Variants in DNAJB1 observed in about 807,000 individuals in gnomAD.
The protein encoded by DNAJB1 is dnaJ homolog subfamily B member 1.
In DNAJB1, 14 loss-of-function variants were observed where a neutral mutation model predicts 24.0. The observed-to-expected ratio is 0.58, with a 90% CI of 0.39 to 0.91. The LOEUF (loss-of-function observed/expected upper bound fraction) is 0.91, where lower values mean the gene tolerates loss of function less well. Ranked by LOEUF, DNAJB1 falls within the 40% of genes least tolerant of loss-of-function variation. The pLI, the probability that DNAJB1 is intolerant of heterozygous loss-of-function variation, is 0.00. For missense variants in DNAJB1, 517 were observed against 458.1 expected, an observed-to-expected ratio of 1.13 and a Z score of -1.17; for synonymous variants, 262 against 174.4, an observed-to-expected ratio of 1.50 and a Z score of -3.96.
At chr19:14,560,059 C>G (rs1469687155) in exon 1 of DNAJB1, among the ~76,000 whole-genome samples, 1 of 152,196 alleles carries the variant, frequency 6.6e-6, no homozygotes, top group Non-Finnish European at 1.5e-5. Flanking sequence ...GTCTCCTCTC[C>G]TTGGGCCTCA....
chr19:14,518,057 G>A (rs1462657001), intron 1 of DNAJB1, 82 bp downstream of exon 1: 7 of 1,331,078 alleles, frequency 5.3e-6, no homozygotes, highest in East Asian at 6.1e-5. Context: ...TCCTTCCCGG[G>A]GGGCCGCCGA....
intron 1 of DNAJB1, among the ~76,000 whole-genome samples, chr19:14,547,329 C>T (rs904831053): frequency 6.6e-6 from 1 of 151,386 alleles, no homozygotes; most frequent in Non-Finnish European, 1.5e-5. Flanking sequence ...CAGGCGTGAG[C>T]CACCGTACCT....
intron 1 of DNAJB1, among the ~76,000 whole-genome samples, chr19:14,555,438 CTTT>C (rs747503834): frequency 3.2e-5 from 3 of 92,902 alleles, no homozygotes; most frequent in African/African-American, 4.6e-5. Flanking sequence ...TTTATTTATT[CTTT>C]TTTTTTTTTT....
intron 1 of DNAJB1, chr19:14,517,385 G>GT: frequency 1.2e-5 from 3 of 245,080 alleles, no homozygotes; most frequent in Non-Finnish European, 1.6e-5. Context: ...TCGGCTTTCG[G>GT]TAAGTGTTTA....
At chr19:14,558,311 A>G (rs547119991) in intron 1 of DNAJB1, among the ~76,000 whole-genome samples, 1 of 151,860 alleles carries the variant, frequency 6.6e-6, no homozygotes, top group Non-Finnish European at 1.5e-5. Context: ...TCCTGCCCCC[A>G]TTAGTAATAT....
upstream of DNAJB1, among the ~76,000 whole-genome samples, chr19:14,522,687 C>CACAG (rs762546547): frequency 0.2 from 14,617 of 71,644 alleles, 850 homozygotes; most frequent in Middle Eastern, 0.28. Flanking sequence ...CACACAGACA[C>CACAG]ACACACACAC....
At chr19:14,538,977 T>C (rs2073001956) in intron 1 of DNAJB1, among the ~76,000 whole-genome samples, 2 of 139,750 alleles carry the variant, frequency 1.4e-5, no homozygotes, top group Non-Finnish European at 3.1e-5. Context: ...GCAAGTCACA[T>C]TTTTTTTTTT....
chr19:14,541,857 A>G (rs1003746363), intron 1 of DNAJB1, among the ~76,000 whole-genome samples: 1 of 150,336 alleles, frequency 6.7e-6, no homozygotes, highest in African/African-American at 2.5e-5. Flanking sequence ...ATCTTGGGTC[A>G]CTGCAACCTT....
rs1279670110 is a variant in DNAJB1 at position 14,535,540 on chromosome 19, A to T, written c.-213-7730T>A. On this transcript the variant is annotated intron_variant, in intron 1 of 3. Transcript: ENST00000676982. ...AAAAAAAAAAAAAAAAAAAAAAAAAAAAAATATATATATATATATATATAT... is the reference window on the plus strand; with the variant it reads ...AAAAAAAAAAAAAAAAAAAAAAAAATAAAATATATATATATATATATATAT... 7.7e-3 allele frequency among the ~76,000 whole-genome samples: 266 copies of T among 34,428 alleles called. 23 individuals carry two copies. The highest frequency in any genetic ancestry group is 0.031 in the African/African-American group (222 of 7,074). 22.6% of individuals were successfully genotyped at this position (34,428 alleles called of 152,430 possible). A position where few individuals can be genotyped will look rare whatever the true frequency, so the allele number is the denominator to read the frequency against.
At chr19:14,524,783 T>C (rs1329291335) in intron 2 of DNAJB1, among the ~76,000 whole-genome samples, 1 of 136,092 alleles carries the variant, frequency 7.3e-6, no homozygotes, top group African/African-American at 3.0e-5. Context: ...GAGGTGGAGG[T>C]TGCAATGAGC....
rs1341164880 is a variant in DNAJB1 at position 14,540,377 on chromosome 19, A to G, written c.-214+9831T>C. ...GCCACTGTGCCTGGCTAATTTTTGT[A>G]TTTTTATTTATTTATTAAAAAATGT... On this transcript the variant is annotated intron_variant, in intron 1 of 3. Transcript: ENST00000676982. Among the ~76,000 whole-genome samples the G allele has an allele frequency of 1.2e-4, 17 of 146,696 alleles. No individual in the cohort carries two copies. The Admixed American group carries it at 1.2e-3, about 10-fold the overall frequency.
chr19:14,533,475 C>T (rs958033090), upstream of DNAJB1, among the ~76,000 whole-genome samples: 3 of 152,058 alleles, frequency 2.0e-5, no homozygotes, highest in Non-Finnish European at 2.9e-5. Context: ...ATCTTCCCAC[C>T]CTCAAGCAGT....
At chr19:14,544,297 C>G (rs73927051) in intron 1 of DNAJB1, among the ~76,000 whole-genome samples, 1,526 of 152,136 alleles carry the variant, frequency 0.01, 10 homozygotes, top group South Asian at 0.048. Context: ...TTGTGTAAGC[C>G]CCTGGCTCTC....
intron 2 of DNAJB1, among the ~76,000 whole-genome samples, chr19:14,524,913 C>T (rs1423900276): frequency 6.7e-6 from 1 of 149,776 alleles, no homozygotes; most frequent in Non-Finnish European, 1.5e-5. Flanking sequence ...AGTGGGATAC[C>T]CATGTGAAAT....
upstream of DNAJB1, among the ~76,000 whole-genome samples, chr19:14,552,172 CTTT>C (rs536176918): frequency 6.7e-5 from 9 of 133,452 alleles, no homozygotes; most frequent in Admixed American, 1.5e-4. Context: ...TTTCTTTTTT[CTTT>C]TTTTTTTTTT....
At chr19:14,541,046 G>T (rs1248331760) in intron 1 of DNAJB1, among the ~76,000 whole-genome samples, 5 of 152,106 alleles carry the variant, frequency 3.3e-5, no homozygotes, top group Non-Finnish European at 7.4e-5. Flanking sequence ...GGCTGATCTC[G>T]AACTCCTGAG....
chr19:14,544,457 A>G (rs889352435), intron 1 of DNAJB1, among the ~76,000 whole-genome samples: 2 of 151,878 alleles, frequency 1.3e-5, no homozygotes, highest in Non-Finnish European at 2.9e-5. Flanking sequence ...AGTCACTGCA[A>G]CTGATCAGGA....
chr19:14,547,752 G>A (rs550508002), intron 1 of DNAJB1, among the ~76,000 whole-genome samples: 54 of 151,242 alleles, frequency 3.6e-4, no homozygotes, highest in African/African-American at 1.3e-3. Context: ...TGGGCCTCCT[G>A]GGCTTAAGTG....
chr19:14,545,674 G>A (rs1016241041), intron 1 of DNAJB1: 10 of 172,556 alleles, frequency 5.8e-5, no homozygotes, highest in Non-Finnish European at 1.1e-4. Context: ...TGTTGGTTGC[G>A]TGCATGGCGA....
Sources: gnomAD v4.1 joint callset for allele counts (sites outside exome capture counted in the v4.1 genomes callset) on GRCh38, gnomAD v4.1.1 for gene constraint, MANE v1.5 for transcripts, NCBI Gene and HGNC (gene_info 2026-07-23, HGNC 2026-07-21) for gene names.